Variants in PPP1R14C observed in about 807,000 individuals in gnomAD.
PPP1R14C encodes the protein protein phosphatase 1 regulatory subunit 14C.
A neutral mutation model predicts 20.4 loss-of-function variants in PPP1R14C; 16 were observed. The ratio of observed to expected loss-of-function variants is 0.78; its 90% confidence interval spans 0.53 to 1.19. The LOEUF is 1.19. PPP1R14C is among the 50% of genes most tolerant of loss of function. The probability of loss-of-function intolerance (pLI) is 0.00; values close to 1 mark genes in which losing one functional copy is unlikely to be tolerated. For synonymous variants in PPP1R14C, 91 were observed against 91.0 expected (o/e 1.00, Z 0.00); for missense variants, 211 against 220.1 (o/e 0.96, Z 0.26).
Position 150,207,415 on chromosome 6 carries a change from C to T in PPP1R14C, c.307-7329C>T, listed in dbSNP as rs563618023. Reference sequence around the variant, plus strand: ...TGGGTGCCCGGTGGGGCTGGGCCCTCGATTCGCATCAGGCAAGCTCATCTC... The same window carrying T: ...TGGGTGCCCGGTGGGGCTGGGCCCTTGATTCGCATCAGGCAAGCTCATCTC... On this transcript the variant is annotated intron_variant, in intron 1 of 3. Transcript: ENST00000361131. Among the ~76,000 whole-genome samples the T allele has an allele frequency of 1.8e-4, 27 of 152,318 alleles. No homozygotes were observed. In the South Asian group the frequency reaches 3.1e-3, roughly 18 times the overall value.
intron 1 of PPP1R14C, among the ~76,000 whole-genome samples, chr6:150,165,925 C>T (rs995880995): frequency 2.0e-5 from 3 of 152,138 alleles, no homozygotes; most frequent in African/African-American, 7.2e-5. Flanking sequence ...AGTGCCAGAC[C>T]AAAGACCAAG....
chr6:150,179,596 C>T (rs1777598746), intron 1 of PPP1R14C, among the ~76,000 whole-genome samples: 1 of 151,874 alleles, frequency 6.6e-6, no homozygotes, highest in Non-Finnish European at 1.5e-5. Flanking sequence ...AATCTGAATC[C>T]CCAAACATCT....
At chr6:150,212,301 C>CA (rs1243222350) in intron 1 of PPP1R14C, among the ~76,000 whole-genome samples, 1 of 152,174 alleles carries the variant, frequency 6.6e-6, no homozygotes, top group African/African-American at 2.4e-5. Context: ...TTAATGTATT[C>CA]AAATGTGCTT....
intron 1 of PPP1R14C, among the ~76,000 whole-genome samples, chr6:150,208,375 C>A (rs546644504): frequency 6.6e-6 from 1 of 152,292 alleles, no homozygotes; most frequent in African/African-American, 2.4e-5. Flanking sequence ...CCAGGATCCT[C>A]CCTTTATCCC....
At position 150,235,747 on chromosome 6, in the gene PPP1R14C, T is replaced by C. The variant is rs893427572; in HGVS notation, c.424-12999T>C. 3.3e-5 allele frequency among the ~76,000 whole-genome samples: 5 copies of C among 152,164 alleles called. No homozygotes were observed. In the East Asian group the frequency reaches 5.8e-4, roughly 18 times the overall value. On this transcript the variant is annotated intron_variant, in intron 3 of 3. Transcript: ENST00000361131. ...GCCTCCTTCTTAAATTCTTCTTTTC[T>C]AATTTATAAGACAGCTAGAATAGGA...
chr6:150,150,397 C>T (rs774588281), intron 1 of PPP1R14C, among the ~76,000 whole-genome samples: 1 of 152,098 alleles, frequency 6.6e-6, no homozygotes, highest in Non-Finnish European at 1.5e-5. Context: ...TTGCTCCTAA[C>T]GTGCCCCTGC....
chr6:150,188,350 T>A (rs917535356), intron 1 of PPP1R14C, among the ~76,000 whole-genome samples: 1 of 152,220 alleles, frequency 6.6e-6, no homozygotes, highest in Non-Finnish European at 1.5e-5. Context: ...TCTAAAATCA[T>A]ACATTTTGTT....
In PPP1R14C at chr6:150,143,103, T is replaced by G. The variant is rs1777132963; in HGVS notation, c.-90T>G. The G allele has an allele frequency of 2.6e-6, 3 of 1,147,508 alleles. No individual in the cohort carries two copies. Among genetic ancestry groups the G allele is most frequent in the Non-Finnish European group, 2.1e-6 (2 of 938,258 alleles). 71.1% of individuals were successfully genotyped at this position (1,147,508 alleles called of 1,614,324 possible). On this transcript the variant is annotated 5_prime_UTR_variant, in exon 1 of 4. An upstream start codon of the reference 5' UTR is lost. Transcript: ENST00000361131. This position sits in a 1 kb window ranked among gnomAD's most constrained non-coding sequence, Gnocchi z 5.6. ...AGCAGGTGCCGGGGAGCCCTTCGCA[T>G]GCGGCTGCCGGGCCGGAGGTGGTAG...
chr6:150,248,004 C>T (rs902149548), intron 3 of PPP1R14C, among the ~76,000 whole-genome samples: 4 of 152,186 alleles, frequency 2.6e-5, no homozygotes, highest in African/African-American at 9.7e-5. Context: ...ATGGCACTGG[C>T]ATCTGGAGAG....
intron 3 of PPP1R14C, among the ~76,000 whole-genome samples, chr6:150,240,731 C>A (rs1199162959): frequency 2.0e-5 from 3 of 152,176 alleles, no homozygotes; most frequent in African/African-American, 7.2e-5. Context: ...CTTTTGTTAC[C>A]TGAGTGTGGA....
At chr6:150,215,527 A>C (rs866753786) in intron 2 of PPP1R14C, among the ~76,000 whole-genome samples, 55 of 152,346 alleles carry the variant, frequency 3.6e-4, no homozygotes, top group Middle Eastern at 3.4e-3. Flanking sequence ...CACAAATGGC[A>C]AATGGCCACT....
chr6:150,147,430 A>T (rs1777192687), intron 1 of PPP1R14C, among the ~76,000 whole-genome samples: 1 of 152,058 alleles, frequency 6.6e-6, no homozygotes, highest in South Asian at 2.1e-4. Context: ...CGACTGCCTC[A>T]GCCTCCCAAA....
At chr6:150,206,398 C>A (rs1358807714) in intron 1 of PPP1R14C, among the ~76,000 whole-genome samples, 2 of 152,176 alleles carry the variant, frequency 1.3e-5, no homozygotes, top group African/African-American at 4.8e-5. Context: ...CAGTGCCTGG[C>A]AGGTAGTAGG....
intron 1 of PPP1R14C, among the ~76,000 whole-genome samples, chr6:150,189,890 C>T (rs576545866): frequency 1.3e-5 from 2 of 152,294 alleles, no homozygotes; most frequent in South Asian, 2.1e-4. Context: ...CCTTTCTGTT[C>T]TTTTAAATGG....
intron 1 of PPP1R14C, among the ~76,000 whole-genome samples, chr6:150,171,817 C>CT (rs1395816399): frequency 6.6e-6 from 1 of 151,560 alleles, no homozygotes; most frequent in Non-Finnish European, 1.5e-5. Context: ...TTTCTTTTTT[C>CT]TTTTTTTTGA....
chr6:150,195,743 T>C, intron 1 of PPP1R14C: 1 of 626,298 alleles, frequency 1.6e-6, no homozygotes, highest in Non-Finnish European at 2.0e-6. Flanking sequence ...CATTTACTAT[T>C]TTTTTTTGCA....
At chr6:150,218,152 A>C (rs370038499) in intron 3 of PPP1R14C, among the ~76,000 whole-genome samples, 1 of 152,072 alleles carries the variant, frequency 6.6e-6, no homozygotes, top group Admixed American at 6.6e-5. Context: ...GCCTGTGATC[A>C]CAGCACTTTG....
chr6:150,156,212 A>G (rs1055399674), intron 1 of PPP1R14C, among the ~76,000 whole-genome samples: 1 of 152,086 alleles, frequency 6.6e-6, no homozygotes, highest in African/African-American at 2.4e-5. Context: ...CTCCATGCTC[A>G]ATCTCTTTTG....
chr6:150,155,276 A>G (rs973520433), intron 1 of PPP1R14C, among the ~76,000 whole-genome samples: 23 of 152,234 alleles, frequency 1.5e-4, no homozygotes, highest in Non-Finnish European at 3.4e-4. Context: ...TGGGATAACA[A>G]GAAAAACTTA....
Sources: gnomAD v4.1 joint callset for allele counts (sites outside exome capture counted in the v4.1 genomes callset) on GRCh38, gnomAD v4.1.1 for gene constraint, Gnocchi (gnomAD v3.1) non-coding constraint, MANE v1.5 for transcripts, NCBI Gene and HGNC (gene_info 2026-07-23, HGNC 2026-07-21) for gene names.